NOS3: variants seen among roughly 807,000 people sequenced by gnomAD.
The protein encoded by NOS3 is nitric oxide synthase 3, also known as NOS type III.
In NOS3, 98 loss-of-function variants were observed where a neutral mutation model predicts 144.9. That is an observed-to-expected ratio of 0.68 (90% confidence interval 0.57 to 0.80). The LOEUF (loss-of-function observed/expected upper bound fraction) is 0.80. Among genes scored for constraint, NOS3 ranks in the 30% least tolerant of loss-of-function variants. NOS3 has a pLI of 0.00. For synonymous variants in NOS3, 714 were observed against 702.4 expected, an observed-to-expected ratio of 1.02 and a Z score of -0.26; for missense variants, 1,465 against 1,656.4, an observed-to-expected ratio of 0.88 and a Z score of 2.01.
At position 151,001,924 on chromosome 7, in the gene NOS3, C is replaced by T. The variant is rs777260943; in HGVS notation, c.1606C>T (p.Gln536Ter). 6.2e-7 allele frequency: 1 copy of T among 1,613,604 alleles called. No individual in the cohort carries two copies. ...SETGRAQSYA[Q>*]QLGRLFRKAF... ...GACCGGCCGGGCCCAGAGCTACGCA[C>T]AGCAGCTGGGGAGACTCTTCCGGAA... The change falls in exon 13 of 27, where the codon CAG becomes TAG. Residue 536 changes from glutamine (Q) to a stop codon, truncating the protein, a stop_gained. Coordinates refer to ENST00000297494, the MANE Select transcript of NOS3 (RefSeq NM_000603.5). LOFTEE classifies it high-confidence loss of function.
At chr7:151,013,138 G>T (rs1467652945) in intron 24 of NOS3, 93 bp from the exon 25 acceptor site, 23 of 1,403,276 alleles carry the variant, frequency 1.6e-5, no homozygotes, top group Non-Finnish European at 2.2e-5. Context: ...CCAAAACGCT[G>T]GGCTGCCAGG....
chr7:151,001,780 T>C (rs754269336), intron 12 of NOS3, 41 bp from the exon 13 acceptor site: 1 of 1,612,574 alleles, frequency 6.2e-7, no homozygotes, highest in South Asian at 1.1e-5. Context: ...AGGCCCTGCC[T>C]CTGTGCACCC....
In NOS3 at chr7:151,014,255, T is replaced by G. The variant is rs1795390638; in HGVS notation, c.*86T>G. On this transcript the variant is annotated 3_prime_UTR_variant, in exon 27 of 27. Coordinates refer to ENST00000297494, the MANE Select transcript of NOS3 (RefSeq NM_000603.5). ...ACCAGGATCAGCCCCGCTCCTCCCCTCTTGAGGTGGTGCCTTCTCACATCT... is the reference window on the plus strand; with the variant it reads ...ACCAGGATCAGCCCCGCTCCTCCCCGCTTGAGGTGGTGCCTTCTCACATCT... The G allele has an allele frequency of 7.5e-7, 1 of 1,341,724 alleles. No individual in the cohort carries two copies. The highest frequency in any genetic ancestry group is 2.5e-5 in the East Asian group (1 of 39,876). The allele number at this position is 1,341,724 out of a possible 1,614,324, so 83.1% of individuals were successfully genotyped here.
At chr7:151,011,824 C>T (rs972867255) in intron 23 of NOS3, 1 of 443,830 alleles carries the variant, frequency 2.3e-6, no homozygotes, top group Non-Finnish European at 4.5e-6. Context: ...GCGCCCGGAC[C>T]GAGGGTGAAG....
In NOS3 at chr7:151,003,079, T is replaced by C. The variant is rs1316562702; in HGVS notation, c.1752+775T>C. ...TTTCTGAGTCTTACCTGCTCCAGCT[T>C]CTAGGTGTTAAAGGCCTTATTAGCA... On this transcript the variant is annotated intron_variant, in intron 14 of 26. Transcript: ENST00000297494. This position sits in a 1 kb window ranked among gnomAD's most constrained non-coding sequence, Gnocchi z 4.1. 5 of 406,788 alleles carry C rather than the reference T, an allele frequency of 1.2e-5. No homozygotes were observed. Among genetic ancestry groups the C allele is most frequent in the African/African-American group, 1.0e-4 (5 of 48,122 alleles). 25.2% of individuals were successfully genotyped at this position (406,788 alleles called of 1,614,324 possible). A position where few individuals can be genotyped will look rare whatever the true frequency, so the allele number is the denominator to read the frequency against.
In NOS3 at chr7:151,014,116, G is replaced by A. The variant is rs541336826; in HGVS notation, c.3559G>A (p.Gly1187Ser). Residue 1187 changes from glycine to serine, a missense_variant, in exon 27 of 27, where the codon GGC becomes AGC. By Grantham distance (56) the Gly-to-Ser change is moderately conservative. Around this residue, in one of 5 missense-constraint regions of NOS3, gnomAD observed 228 missense variants for 227.7 expected, o/e 1.00. Transcript: ENST00000297494. Reference sequence around the variant, plus strand: ...TTCCTTGCAGGAGCGTCAGTTGCGGGGCGCAGTGCCCTGGGCGTTCGACCC... The same window carrying A: ...TTCCTTGCAGGAGCGTCAGTTGCGGAGCGCAGTGCCCTGGGCGTTCGACCC... ...SFSLQERQLR[G>S]AVPWAFDPPG... is the part of the protein sequence containing the mutation. The A allele has an allele frequency of 1.2e-6, 2 of 1,613,486 alleles. No homozygotes were observed. Among genetic ancestry groups the A allele is most frequent in the East Asian group, 2.2e-5 (1 of 44,878 alleles).
At chr7:151,004,342 A>C (rs962779202) in intron 14 of NOS3, among the ~76,000 whole-genome samples, 1 of 152,250 alleles carries the variant, frequency 6.6e-6, no homozygotes, top group Admixed American at 6.5e-5. Flanking sequence ...ACTTAAAATA[A>C]AATACAAATA....
At position 151,012,277 on chromosome 7, in the gene NOS3, C is replaced by G. The variant is rs898191804; in HGVS notation, c.2985-74C>G. The G allele has an allele frequency of 1.7e-5, 22 of 1,280,934 alleles. No individual in the cohort carries two copies. The South Asian group carries it at 2.5e-4, about 15-fold the overall frequency. 79.3% of individuals were successfully genotyped at this position (1,280,934 alleles called of 1,614,324 possible). ...GGGAAGAACTTGGGTCCTCCTTGCT[C>G]CACCCACCCTGCATGGTGAGAATGG... On this transcript the variant is annotated intron_variant, in intron 23 of 26. Coordinates refer to ENST00000297494, the MANE Select transcript of NOS3 (RefSeq NM_000603.5).
intron 20 of NOS3, 113 bp from the exon 21 acceptor site, chr7:151,010,002 G>A (rs546660169): frequency 3.5e-5 from 25 of 708,586 alleles, no homozygotes; most frequent in African/African-American, 2.8e-4. Context: ...TAGACAGGCC[G>A]ACCCCGCTGC....
At chr7:151,011,450 C>T (rs1302561997) in intron 23 of NOS3, among the ~76,000 whole-genome samples, 5 of 147,876 alleles carry the variant, frequency 3.4e-5, no homozygotes, top group Non-Finnish European at 7.5e-5. Context: ...CTTGCTCTGT[C>T]GCCCAGGCTG....
rs1351576492 is a variant in NOS3, at chr7:151,013,706, A to G, written c.3256-18A>G. 6.4e-7 allele frequency: 1 copy of G among 1,568,116 alleles called. No homozygotes were observed. Among genetic ancestry groups the G allele is most frequent in the Non-Finnish European group, 8.6e-7 (1 of 1,157,382 alleles). On this transcript the variant is annotated intron_variant, in intron 25 of 26. Coordinates refer to ENST00000297494, the MANE Select transcript of NOS3 (RefSeq NM_000603.5). The stretch of plus-strand genomic sequence containing the variant: ...GCCCACCCCCACCAGGGCCCGCCCT[A>G]ACCCCGCCGCCCCGCAGACCTACGT...
intron 5 of NOS3, among the ~76,000 whole-genome samples, chr7:150,997,474 G>A (rs573204921): frequency 6.6e-4 from 100 of 152,134 alleles, no homozygotes; most frequent in African/African-American, 2.4e-3. Flanking sequence ...GCTTCGGCCC[G>A]CACCCTCCCT....
chr7:151,012,217 T>G, intron 23 of NOS3, 134 bp from the exon 24 acceptor site: 2 of 723,474 alleles, frequency 2.8e-6, no homozygotes, highest in Non-Finnish European at 4.2e-6. Flanking sequence ...AGTTGTTTTT[T>G]GTTTTTTGTT....
chr7:151,009,032 G>A lies in NOS3; in HGVS notation c.2215G>A (p.Ala739Thr), dbSNP rs891520877. 4 of 1,612,306 alleles carry A rather than the reference G, an allele frequency of 2.5e-6. No individual in the cohort carries two copies. The highest frequency in any genetic ancestry group is 1.7e-6 in the Non-Finnish European group (2 of 1,179,538). The change falls in exon 18 of 27, where the codon GCC becomes ACC. Residue 739 changes from alanine to threonine, a missense_variant. Ala to Thr is a moderately conservative substitution (Grantham distance 58). Around this residue, in one of 5 missense-constraint regions of NOS3, gnomAD observed 745 missense variants for 853.9 expected, o/e 0.87. Transcript: ENST00000297494. ...GAAGCGCCAGAGGTACCGGCTGAGC[G>A]CCCAGGCCGAGGGCCTGCAGTTGCT... is the stretch of plus-strand genomic sequence containing the variant. ...SWKRQRYRLS[A>T]QAEGLQLLPG...
chr7:151,009,973 A>C (rs1247810909), intron 20 of NOS3, 142 bp from the exon 21 acceptor site: 1 of 610,266 alleles, frequency 1.6e-6, no homozygotes, highest in East Asian at 2.8e-5. Context: ...GGGCCCCCGA[A>C]CAATACACTG....
Position 151,002,104 on chromosome 7 carries a change from TG to T in NOS3, c.1648-92del. The T allele has an allele frequency of 4.9e-6, 7 of 1,417,324 alleles. No homozygotes were observed. Among genetic ancestry groups the T allele is most frequent in the Non-Finnish European group, 6.8e-6 (7 of 1,024,988 alleles). The allele number at this position is 1,417,324 out of a possible 1,614,324, so 87.8% of individuals were successfully genotyped here. A position where few individuals can be genotyped will look rare whatever the true frequency, so the allele number is the denominator to read the frequency against. ...AACCACAGGTGTTCAGAGATCAAGT[TG>T]GGGCCTGAATCTTGCACTGCCAGGG... is the stretch of plus-strand genomic sequence containing the variant. On this transcript the variant is annotated intron_variant, in intron 13 of 26. Transcript: ENST00000297494. The surrounding 1 kb of genome is among the most constrained non-coding windows in gnomAD (Gnocchi z 4.1).
At position 150,998,457 on chromosome 7, in the gene NOS3, C is replaced by T. The variant is rs1440243485; in HGVS notation, c.674+9C>T. On this transcript the variant is annotated intron_variant, in intron 6 of 26. Transcript: ENST00000297494. This position sits in a 1 kb window ranked among gnomAD's most constrained non-coding sequence, Gnocchi z 5.0. ...AACCGGGGCAACCTTCGGTGAGTGC[C>T]CCCCACCATGCCAGGCCCCAGCCTT... 3.1e-6 allele frequency: 5 copies of T among 1,612,026 alleles called. No individual in the cohort carries two copies. Among genetic ancestry groups the T allele is most frequent in the Non-Finnish European group, 4.2e-6 (5 of 1,179,670 alleles).
chr7:150,995,209 G>A lies in NOS3; in HGVS notation c.165G>A (p.Pro55=), dbSNP rs1184486784. 14 of 1,599,922 alleles carry A rather than the reference G, an allele frequency of 8.8e-6. No homozygotes were observed. The highest frequency in any genetic ancestry group is 1.7e-4 in the Middle Eastern group (1 of 6,056). The stretch of plus-strand genomic sequence containing the variant: ...TATCCCTGGCTCCCAACAGCCCCCC[G>A]AGCTCCCCGCTAACCCAGCCCCCAG... The part of the protein sequence containing the change: ...LLPPAPEHSP[P]SSPLTQPPEG... Residue 55 remains proline (P), a synonymous_variant, in exon 3 of 27, where the codon CCG becomes CCA. Coordinates refer to ENST00000297494, the MANE Select transcript of NOS3 (RefSeq NM_000603.5).
Position 151,003,165 on chromosome 7 carries a change from G to A in NOS3, c.1752+861G>A. The A allele has an allele frequency of 2.2e-6, 1 of 453,070 alleles. No homozygotes were observed. The highest frequency in any genetic ancestry group is 4.4e-6 in the Non-Finnish European group (1 of 226,508). 28.1% of individuals were successfully genotyped at this position (453,070 alleles called of 1,614,324 possible). On this transcript the variant is annotated intron_variant, in intron 14 of 26. Transcript: ENST00000297494. The surrounding 1 kb of genome is among the most constrained non-coding windows in gnomAD (Gnocchi z 4.1). ...CTTTGAGACAGGGTCTCACTTTGTG[G>A]CCCAGGCTGGAGTGCAGTAGTACAA... is the stretch of plus-strand genomic sequence containing the variant.
Sources: allele counts gnomAD v4.1 joint callset (sites outside exome capture counted in the v4.1 genomes callset), GRCh38; gene constraint gnomAD v4.1.1; regional missense constraint gnomAD v4.1.1; non-coding constraint Gnocchi (gnomAD v3.1); transcripts MANE v1.5; gene names NCBI Gene and HGNC (gene_info 2026-07-23, HGNC 2026-07-21).